GLIS3: variants seen among roughly 807,000 people sequenced by gnomAD.
The protein encoded by GLIS3 is GLIS family zinc finger 3.
A neutral mutation model predicts 78.6 loss-of-function variants in GLIS3; 53 were observed. The observed-to-expected ratio is 0.67, with a 90% CI of 0.54 to 0.85. The LOEUF (loss-of-function observed/expected upper bound fraction) is 0.85. Ranked by LOEUF, GLIS3 falls within the 40% of genes least tolerant of loss-of-function variation. The probability of loss-of-function intolerance (pLI) is 0.00; values close to 1 mark genes in which losing one functional copy is unlikely to be tolerated. For synonymous variants in GLIS3, 684 were observed against 509.9 expected, an observed-to-expected ratio of 1.34 and a Z score of -4.60; for missense variants, 1,703 against 1,231.1, an observed-to-expected ratio of 1.38 and a Z score of -5.74.
At chr9:3,956,858 C>T (rs962888773) in intron 4 of GLIS3, among the ~76,000 whole-genome samples, 1 of 152,152 alleles carries the variant, frequency 6.6e-6, no homozygotes, top group Non-Finnish European at 1.5e-5. Flanking sequence ...GATGAGAGCT[C>T]CCCAAAAAGG....
chr9:3,935,569 A>G (rs894055507), intron 5 of GLIS3, among the ~76,000 whole-genome samples: 1 of 152,204 alleles, frequency 6.6e-6, no homozygotes, highest in Non-Finnish European at 1.5e-5. Flanking sequence ...ACCTACAGAT[A>G]ACTAGCTGGA....
the GLIS3 span, among the ~76,000 whole-genome samples, chr9:4,378,621 A>G: frequency 1.3e-5 from 2 of 152,196 alleles, no homozygotes; most frequent in African/African-American, 2.4e-5. Flanking sequence ...ATGAAAACAG[A>G]AAGAGAGATT....
intron 8 of GLIS3, among the ~76,000 whole-genome samples, chr9:3,857,611 C>T (rs531524349): frequency 4.6e-5 from 7 of 152,112 alleles, no homozygotes; most frequent in Admixed American, 3.9e-4. Flanking sequence ...GAAGTCAAGG[C>T]GAGGAGCTTA....
intron 2 of GLIS3, among the ~76,000 whole-genome samples, chr9:4,311,989 G>A (rs143510454): frequency 4.1e-4 from 62 of 152,328 alleles, no homozygotes; most frequent in Admixed American, 4.1e-3. Flanking sequence ...CCCAATGGTG[G>A]AGAGTGGGAG....
At chr9:4,208,940 C>T (rs188388425) in intron 2 of GLIS3, among the ~76,000 whole-genome samples, 1 of 152,296 alleles carries the variant, frequency 6.6e-6, no homozygotes, top group Non-Finnish European at 1.5e-5. Context: ...AGGTCTGGAT[C>T]CCCAGCTTCT....
chr9:4,165,871 C>T (rs1048587086), intron 2 of GLIS3, among the ~76,000 whole-genome samples: 6 of 152,162 alleles, frequency 3.9e-5, no homozygotes, highest in African/African-American at 9.7e-5. Flanking sequence ...GGATAGAACT[C>T]TGGGAATCTC....
chr9:4,462,582 T>G, the GLIS3 span, among the ~76,000 whole-genome samples: 5 of 147,248 alleles, frequency 3.4e-5, no homozygotes, highest in African/African-American at 1.3e-4. Context: ...CATAGCGAGA[T>G]TCCATCTCTA....
At chr9:4,430,807 G>C in the GLIS3 span, among the ~76,000 whole-genome samples, 1 of 152,108 alleles carries the variant, frequency 6.6e-6, no homozygotes, top group South Asian at 2.1e-4. Flanking sequence ...ATTCCAACTA[G>C]GACATTGAGT....
intron 7 of GLIS3, among the ~76,000 whole-genome samples, chr9:3,894,364 C>T (rs7039852): frequency 0.99 from 150,314 of 152,340 alleles, 74,190 homozygotes; most frequent in Middle Eastern, 1. Context: ...TAACCATTTT[C>T]TGAGAACAGA....
intron 2 of GLIS3, among the ~76,000 whole-genome samples, chr9:4,267,889 G>C (rs771789655): frequency 1.3e-5 from 2 of 151,854 alleles, no homozygotes; most frequent in Non-Finnish European, 2.9e-5. Context: ...GAAATAAATA[G>C]ATTTGCTATC....
chr9:4,182,231 A>C (rs1817393241), intron 2 of GLIS3, among the ~76,000 whole-genome samples: 2 of 152,186 alleles, frequency 1.3e-5, no homozygotes, highest in African/African-American at 4.8e-5. Context: ...CAAATAGTTT[A>C]ACTGAGCAGT....
At chr9:3,931,966 C>A (rs1825648546) in intron 6 of GLIS3, among the ~76,000 whole-genome samples, 1 of 152,162 alleles carries the variant, frequency 6.6e-6, no homozygotes, top group African/African-American at 2.4e-5. Context: ...AAAAGCATTT[C>A]TTTCCAGAAG....
intron 4 of GLIS3, among the ~76,000 whole-genome samples, chr9:4,092,085 T>C (rs1171343293): frequency 6.6e-6 from 1 of 152,122 alleles, no homozygotes; most frequent in Non-Finnish European, 1.5e-5. Context: ...ACACTTAGGC[T>C]ACACTAAATC....
intron 2 of GLIS3, among the ~76,000 whole-genome samples, chr9:4,186,333 C>CT: frequency 6.6e-6 from 1 of 151,836 alleles, no homozygotes; most frequent in South Asian, 2.1e-4. Flanking sequence ...TGAACTCATC[C>CT]TTTTTTATGG....
chr9:4,421,813 T>G, the GLIS3 span, among the ~76,000 whole-genome samples: 2 of 152,186 alleles, frequency 1.3e-5, no homozygotes, highest in Admixed American at 6.5e-5. Flanking sequence ...GAACCAAACA[T>G]AAGTGATATA....
chr9:4,226,187 A>T (rs4741923), intron 2 of GLIS3, among the ~76,000 whole-genome samples: 34,804 of 152,152 alleles, frequency 0.23, 5,006 homozygotes, highest in South Asian at 0.52. Flanking sequence ...TTGGATACTC[A>T]AATTAATTCT....
the GLIS3 span, among the ~76,000 whole-genome samples, chr9:4,431,099 C>G: frequency 7.9e-3 from 1,206 of 152,318 alleles, 5 homozygotes; most frequent in Middle Eastern, 0.034. Flanking sequence ...ACCGTTCTTA[C>G]TGACTCAGTT....
At chr9:4,199,746 A>G (rs539393278) in intron 2 of GLIS3, among the ~76,000 whole-genome samples, 1 of 152,194 alleles carries the variant, frequency 6.6e-6, no homozygotes, top group Non-Finnish European at 1.5e-5. Context: ...CATTAGACAG[A>G]TCATTGAGGC....
chr9:4,240,621 T>TA lies in GLIS3; in HGVS notation c.388+45416dup, dbSNP rs144954058. Among the ~76,000 whole-genome samples the TA allele has an allele frequency of 8.7e-3, 1,323 of 152,294 alleles. 8 individuals carry two copies. Among genetic ancestry groups the TA allele is most frequent in the Middle Eastern group, 0.02 (6 of 294 alleles). On this transcript the variant is annotated intron_variant, in intron 2 of 10. Transcript: ENST00000381971. ...TCACATAATCAATATAAATTAGCCT[T>TA]AAAATCACAGAAAAGTAAAAAAGTT... is the stretch of plus-strand genomic sequence containing the variant.
Sources: gnomAD v4.1 joint callset for allele counts (sites outside exome capture counted in the v4.1 genomes callset) on GRCh38, gnomAD v4.1.1 for gene constraint, MANE v1.5 for transcripts, NCBI Gene and HGNC (gene_info 2026-07-23, HGNC 2026-07-21) for gene names.